The following GLIS3 variants were observed in gnomAD, a reference collection of about 807,000 sequenced individuals.
GLIS3 encodes the protein zinc finger protein GLIS3.
GLIS3 carries 53 observed loss-of-function variants against 78.6 expected under a neutral mutation model. The ratio of observed to expected loss-of-function variants is 0.67; its 90% CI spans 0.54 to 0.85. The LOEUF (loss-of-function observed/expected upper bound fraction) is 0.85, where lower values mean the gene tolerates loss of function less well. Ranked by LOEUF, GLIS3 falls within the 40% of genes least tolerant of loss-of-function variation. The pLI is 0.00. For missense variants in GLIS3, 1,703 were observed against 1,231.1 expected, an observed-to-expected ratio of 1.38 and a Z score of -5.74; for synonymous variants, 684 against 509.9, an observed-to-expected ratio of 1.34 and a Z score of -4.60.
intron 1 of GLIS3, among the ~76,000 whole-genome samples, chr9:4,287,966 G>C (rs927354355): frequency 6.6e-6 from 1 of 152,160 alleles, no homozygotes; most frequent in Non-Finnish European, 1.5e-5. Context: ...CCATCAGTTT[G>C]TGACATTTAA....
chr9:3,827,513 G>A lies in GLIS3; in HGVS notation c.*759C>T, dbSNP rs1817786612. ...TGCTAACTGCAAAACTAACATGCTA[G>A]AGGTGGGGCCAGGCAGAACCACAGC... On this transcript the variant is annotated 3_prime_UTR_variant, in exon 11 of 11. Coordinates refer to ENST00000381971, the MANE Select transcript of GLIS3 (RefSeq NM_001042413.2). 1 of 152,462 alleles carries A rather than the reference G, an allele frequency of 6.6e-6. No individual in the cohort carries two copies. Among genetic ancestry groups the A allele is most frequent in the South Asian group, 2.1e-4 (1 of 4,834 alleles). 9.4% of individuals were successfully genotyped at this position (152,462 alleles called of 1,614,324 possible).
chr9:4,189,557 TTCTGTCTCGTTGA>T (rs1563725602), intron 2 of GLIS3, among the ~76,000 whole-genome samples: 2 of 152,172 alleles, frequency 1.3e-5, no homozygotes, highest in African/African-American at 4.8e-5. Context: ...GTTGTTAACT[TTCTGTCTCGTTGA>T]TCTGTCTAAT....
chr9:3,945,126 A>G (rs1209527346), intron 4 of GLIS3, among the ~76,000 whole-genome samples: 2 of 152,180 alleles, frequency 1.3e-5, no homozygotes, highest in East Asian at 1.9e-4. Context: ...TGGGGGGACC[A>G]AACTTTCAAC....
At chr9:3,998,092 G>A (rs1422042754) in intron 4 of GLIS3, among the ~76,000 whole-genome samples, 1 of 151,860 alleles carries the variant, frequency 6.6e-6, no homozygotes, top group Non-Finnish European at 1.5e-5. Context: ...ATCCCTTTAG[G>A]CCAGCTCAAG....
At chr9:3,868,902 A>G (rs370810436) in intron 8 of GLIS3, among the ~76,000 whole-genome samples, 96 of 152,222 alleles carry the variant, frequency 6.3e-4, no homozygotes, top group African/African-American at 2.3e-3. Flanking sequence ...TTTTCAGGAA[A>G]AAATTTCCTC....
Position 3,976,194 on chromosome 9 carries a change from G to A in GLIS3, c.1711-39005C>T, listed in dbSNP as rs551919593. Reference sequence around the variant, plus strand: ...ACTATTTAAAGGGAAATGACACCCAGTTGCCTTCACATCAACATGTGAATT... The same window carrying A: ...ACTATTTAAAGGGAAATGACACCCAATTGCCTTCACATCAACATGTGAATT... On this transcript the variant is annotated intron_variant, in intron 4 of 10. Coordinates refer to ENST00000381971, the MANE Select transcript of GLIS3 (RefSeq NM_001042413.2). Among the ~76,000 whole-genome samples, 4 of 152,188 alleles carry A rather than the reference G, an allele frequency of 2.6e-5. No individual in the cohort carries two copies. In the East Asian group the frequency reaches 5.8e-4, roughly 22 times the overall value.
intron 4 of GLIS3, among the ~76,000 whole-genome samples, chr9:3,942,914 G>A (rs550302842): frequency 2.0e-5 from 3 of 151,906 alleles, no homozygotes; most frequent in East Asian, 3.9e-4. Context: ...AACAAAAGAA[G>A]AAAGGAAAGA....
chr9:3,871,874 CCCAGA>C (rs2130393180), intron 8 of GLIS3, among the ~76,000 whole-genome samples: 1 of 152,320 alleles, frequency 6.6e-6, no homozygotes, highest in South Asian at 2.1e-4. Context: ...TGAATTTCTC[CCCAGA>C]AAATGAGATT....
intron 4 of GLIS3, among the ~76,000 whole-genome samples, chr9:4,055,505 C>G (rs1194069425): frequency 6.6e-6 from 1 of 152,100 alleles, no homozygotes; most frequent in Non-Finnish European, 1.5e-5. Flanking sequence ...TTGAGATGCA[C>G]AAAAGCTTAA....
chr9:4,390,099 A>C, the GLIS3 span, among the ~76,000 whole-genome samples: 1 of 152,250 alleles, frequency 6.6e-6, no homozygotes, highest in African/African-American at 2.4e-5. Context: ...GAGACATTTG[A>C]GGTAGAGGGA....
chr9:4,243,023 T>C (rs1321610032), intron 2 of GLIS3, among the ~76,000 whole-genome samples: 1 of 152,188 alleles, frequency 6.6e-6, no homozygotes, highest in Non-Finnish European at 1.5e-5. Flanking sequence ...GGTTTTAGTA[T>C]ATTCCAGATA....
intron 4 of GLIS3, among the ~76,000 whole-genome samples, chr9:3,964,935 G>T (rs924726928): frequency 6.6e-6 from 1 of 152,102 alleles, no homozygotes; most frequent in African/African-American, 2.4e-5. Context: ...GGGTATTGTT[G>T]CCTGTTTGAA....
At chr9:4,354,856 C>T in the GLIS3 span, among the ~76,000 whole-genome samples, 5 of 152,214 alleles carry the variant, frequency 3.3e-5, no homozygotes, top group East Asian at 5.8e-4. Flanking sequence ...GTGGCTCATG[C>T]CTGTAATCCC....
chr9:3,915,763 G>A (rs1449223343), intron 6 of GLIS3, among the ~76,000 whole-genome samples: 1 of 152,162 alleles, frequency 6.6e-6, no homozygotes, highest in Non-Finnish European at 1.5e-5. Flanking sequence ...GCTAGTACAA[G>A]TTGTAGGTAC....
chr9:4,265,067 G>A (rs1001105773), intron 2 of GLIS3, among the ~76,000 whole-genome samples: 4 of 151,386 alleles, frequency 2.6e-5, no homozygotes, highest in African/African-American at 9.7e-5. Context: ...AGCTACTCGG[G>A]AGGCTGAGGC....
At chr9:4,378,920 A>G in the GLIS3 span, among the ~76,000 whole-genome samples, 1 of 152,156 alleles carries the variant, frequency 6.6e-6, no homozygotes, top group Non-Finnish European at 1.5e-5. Flanking sequence ...CATCAAGCCA[A>G]GTGTTTGGGT....
intron 6 of GLIS3, among the ~76,000 whole-genome samples, chr9:3,930,849 C>CTA (rs939602629): frequency 6.6e-5 from 10 of 152,170 alleles, no homozygotes; most frequent in African/African-American, 2.4e-4. Context: ...TTTTTTACAA[C>CTA]TATCATTTAT....
At chr9:3,984,048 G>C (rs952888069) in intron 4 of GLIS3, among the ~76,000 whole-genome samples, 1 of 152,254 alleles carries the variant, frequency 6.6e-6, no homozygotes, top group Non-Finnish European at 1.5e-5. Context: ...AGGAAAAACT[G>C]GTTCTGTGGG....
At chr9:4,106,209 A>T (rs754393350) in intron 4 of GLIS3, among the ~76,000 whole-genome samples, 1 of 152,196 alleles carries the variant, frequency 6.6e-6, no homozygotes, top group Non-Finnish European at 1.5e-5. Context: ...GATTATCTAA[A>T]GCCACTGGAA....
Sources: gnomAD v4.1 joint callset for allele counts (sites outside exome capture counted in the v4.1 genomes callset) on GRCh38, gnomAD v4.1.1 for gene constraint, MANE v1.5 for transcripts, NCBI Gene and HGNC (gene_info 2026-07-23, HGNC 2026-07-21) for gene names.